Variants in LDB2 observed in about 807,000 individuals in gnomAD.
The protein encoded by LDB2 is LIM domain-binding protein 2.
In LDB2, 12 loss-of-function variants were observed where a neutral mutation model predicts 44.3. The observed-to-expected ratio is 0.27, with a 90% CI of 0.17 to 0.44. The LOEUF is 0.44. LDB2 is among the 20% of genes least tolerant of loss of function. The pLI is 1.00. For missense variants in LDB2, 344 were observed against 473.5 expected, an observed-to-expected ratio of 0.73 and a Z score of 2.54; for synonymous variants, 164 against 174.8, an observed-to-expected ratio of 0.94 and a Z score of 0.49.
chr4:16,515,174 T>C (rs1723170127), intron 5 of LDB2, among the ~76,000 whole-genome samples: 1 of 152,220 alleles, frequency 6.6e-6, no homozygotes, highest in Admixed American at 6.5e-5. Context: ...CCTAAGTGAC[T>C]GAACACAAAA....
chr4:16,581,460 C>T (rs1282081438), intron 5 of LDB2: 5 of 984,812 alleles, frequency 5.1e-6, no homozygotes, highest in Non-Finnish European at 6.0e-6. Flanking sequence ...TATCACTCAG[C>T]CAGGGTGTAT....
At chr4:16,658,174 G>A (rs1391074492) in intron 2 of LDB2, among the ~76,000 whole-genome samples, 1 of 152,224 alleles carries the variant, frequency 6.6e-6, no homozygotes, top group Non-Finnish European at 1.5e-5. Flanking sequence ...GAAGAGGTCA[G>A]TATGGCAGAT....
At chr4:16,525,179 G>C (rs1727751748) in intron 5 of LDB2, among the ~76,000 whole-genome samples, 1 of 152,162 alleles carries the variant, frequency 6.6e-6, no homozygotes, top group Non-Finnish European at 1.5e-5. Flanking sequence ...CTGTGTGCTG[G>C]GGTTTGGGGC....
chr4:16,596,486 T>A (rs1052694563), intron 2 of LDB2, among the ~76,000 whole-genome samples: 7 of 152,136 alleles, frequency 4.6e-5, no homozygotes, highest in African/African-American at 1.2e-4. Flanking sequence ...AAGTAAGTAT[T>A]TGGGGTCTCT....
rs866235840 is a variant in LDB2, at chr4:16,508,547, G to A, written c.879C>T (p.Ser293=). The change falls in exon 7 of 8, where the codon TCC becomes TCT. Residue 293 remains serine (S), a synonymous_variant. Transcript: ENST00000304523. ...KKTTAANLSL[S]SQVPDVMVVG... ...AAGCGAGACTTACAGGTACCTGACT[G>A]GACAGACTCAGGTTTGCAGCTGTGG... 1.9e-6 allele frequency: 3 copies of A among 1,597,212 alleles called. No individual in the cohort carries two copies. In the Admixed American group the frequency reaches 5.1e-5, roughly 27 times the overall value.
chr4:16,850,947 A>AGAGTGTGT (rs1554048716), intron 1 of LDB2, among the ~76,000 whole-genome samples: 7 of 143,072 alleles, frequency 4.9e-5, no homozygotes, highest in African/African-American at 1.6e-4. Flanking sequence ...TAAAACCATA[A>AGAGTGTGT]GTGTGTGTGT....
chr4:16,682,085 T>C (rs1748090519), intron 2 of LDB2, among the ~76,000 whole-genome samples: 1 of 152,214 alleles, frequency 6.6e-6, no homozygotes, highest in African/African-American at 2.4e-5. Flanking sequence ...ACATTGCTCA[T>C]CATCGTGTTT....
At chr4:16,645,337 C>G (rs1374839120) in intron 2 of LDB2, among the ~76,000 whole-genome samples, 2 of 151,008 alleles carry the variant, frequency 1.3e-5, no homozygotes, top group Non-Finnish European at 3.0e-5. Flanking sequence ...GAGATCGAGA[C>G]CATCCTGGCT....
chr4:16,670,271 TTAGATATTTGGTACCTACCTTTGG>T (rs1259322126), intron 2 of LDB2, among the ~76,000 whole-genome samples: 1 of 152,206 alleles, frequency 6.6e-6, no homozygotes, highest in Non-Finnish European at 1.5e-5. Context: ...AGTAGGTCGC[TTAGATATTTGGTACCTACCTTTGG>T]TAGATATAGG....
intron 2 of LDB2, among the ~76,000 whole-genome samples, chr4:16,624,759 C>T (rs1729837071): frequency 6.6e-6 from 1 of 152,144 alleles, no homozygotes; most frequent in African/African-American, 2.4e-5. Flanking sequence ...ATGGTCTCTT[C>T]CACATTATAA....
At chr4:16,733,964 A>C (rs1433376996) in intron 2 of LDB2, among the ~76,000 whole-genome samples, 3 of 152,204 alleles carry the variant, frequency 2.0e-5, no homozygotes, top group Admixed American at 2.0e-4. Context: ...GCTGCAGGAG[A>C]CAATGCCTAT....
chr4:16,562,140 A>G (rs1019873317), intron 5 of LDB2, among the ~76,000 whole-genome samples: 1 of 152,216 alleles, frequency 6.6e-6, no homozygotes, highest in African/African-American at 2.4e-5. Context: ...AGGCATTACC[A>G]TTCAGGACAT....
chr4:16,843,434 T>C (rs996797395), intron 1 of LDB2, among the ~76,000 whole-genome samples: 1 of 152,196 alleles, frequency 6.6e-6, no homozygotes, highest in African/African-American at 2.4e-5. Context: ...AATGAGTGAA[T>C]GAATGAATGA....
chr4:16,791,711 G>T (rs1003377288), intron 1 of LDB2, among the ~76,000 whole-genome samples: 1 of 152,082 alleles, frequency 6.6e-6, no homozygotes, highest in Admixed American at 6.5e-5. Context: ...CAGGTAATTT[G>T]CTGTAGTACC....
At chr4:16,617,003 C>A (rs1041051431) in intron 2 of LDB2, among the ~76,000 whole-genome samples, 1 of 152,134 alleles carries the variant, frequency 6.6e-6, no homozygotes, top group African/African-American at 2.4e-5. Context: ...TCCCTCCTCC[C>A]CTTTCCTCTC....
At chr4:16,743,900 A>G (rs1763844680) in intron 2 of LDB2, among the ~76,000 whole-genome samples, 1 of 152,210 alleles carries the variant, frequency 6.6e-6, no homozygotes, top group African/African-American at 2.4e-5. Context: ...AGTTTTTGGT[A>G]ATTTGATATT....
In LDB2 at chr4:16,698,256, C is replaced by T. The variant is rs151082123; in HGVS notation, c.235+60902G>A. Among the ~76,000 whole-genome samples the T allele has an allele frequency of 1.2e-4, 18 of 152,248 alleles. No individual in the cohort carries two copies. In the East Asian group the frequency reaches 3.3e-3, roughly 28 times the overall value. Reference sequence around the variant, plus strand: ...ATTCTTGAACATGTGTCTTGATACACTCAATACTGCATTAGTAAAGAATAT... The same window carrying T: ...ATTCTTGAACATGTGTCTTGATACATTCAATACTGCATTAGTAAAGAATAT... On this transcript the variant is annotated intron_variant, in intron 2 of 7. Coordinates refer to ENST00000304523, the MANE Select transcript of LDB2 (RefSeq NM_001290.5).
At chr4:16,888,872 A>G (rs1055609402) in intron 1 of LDB2, 2 of 212,382 alleles carry the variant, frequency 9.4e-6, no homozygotes, top group Admixed American at 6.5e-5. Context: ...ATTACACAGC[A>G]AGTAGAAGAC....
At chr4:16,641,487 C>T (rs1735153369) in intron 2 of LDB2, among the ~76,000 whole-genome samples, 1 of 152,116 alleles carries the variant, frequency 6.6e-6, no homozygotes, top group African/African-American at 2.4e-5. Flanking sequence ...TCTCTGCTTC[C>T]AGTAAGGGCC....
Sources: gnomAD v4.1 joint callset for allele counts (sites outside exome capture counted in the v4.1 genomes callset) on GRCh38, gnomAD v4.1.1 for gene constraint, MANE v1.5 for transcripts, NCBI Gene and HGNC (gene_info 2026-07-23, HGNC 2026-07-21) for gene names.